The following TET2 variants were observed in gnomAD, a reference collection of about 807,000 sequenced individuals.
TET2 encodes the protein methylcytosine dioxygenase TET2.
A neutral mutation model predicts 142.9 loss-of-function variants in TET2; 299 were observed. That is an observed-to-expected ratio of 2.09 (90% CI 1.90 to 2.30). The LOEUF (loss-of-function observed/expected upper bound fraction) is 2.30, where lower values mean the gene tolerates loss of function less well. Ranked by LOEUF, TET2 falls within the 30% of genes most tolerant of loss-of-function variation. The pLI is 0.00. For synonymous variants in TET2, 819 were observed against 849.0 expected (o/e 0.96, Z 0.61); for missense variants, 2,418 against 2,378.0 (o/e 1.02, Z -0.35).
chr4:105,154,139 G>A (rs1372528423), intron 1 of TET2, among the ~76,000 whole-genome samples: 3 of 152,166 alleles, frequency 2.0e-5, no homozygotes, highest in African/African-American at 7.2e-5. Flanking sequence ...GGGATGGGAG[G>A]GAGGTGACTC....
chr4:105,183,895 A>G (rs1323098351), intron 1 of TET2, among the ~76,000 whole-genome samples: 2 of 152,164 alleles, frequency 1.3e-5, no homozygotes, highest in Non-Finnish European at 2.9e-5. Flanking sequence ...TTCTTCTCCT[A>G]TACTACTTGA....
chr4:105,244,125 TC>T (rs1481109100), intron 6 of TET2, among the ~76,000 whole-genome samples: 1 of 152,192 alleles, frequency 6.6e-6, no homozygotes, highest in Non-Finnish European at 1.5e-5. Flanking sequence ...TGACTCCACT[TC>T]CATGTTGCAG....
chr4:105,215,073 C>T (rs1040724619), intron 2 of TET2, among the ~76,000 whole-genome samples: 5 of 151,998 alleles, frequency 3.3e-5, no homozygotes, highest in Non-Finnish European at 5.9e-5. Context: ...GGACACCCAG[C>T]TAGTGTCTGC....
intron 1 of TET2, among the ~76,000 whole-genome samples, chr4:105,163,734 G>A (rs376616078): frequency 6.0e-5 from 9 of 151,242 alleles, no homozygotes; most frequent in South Asian, 4.2e-4. Context: ...CTCTTTGTTC[G>A]TAATCAATGT....
chr4:105,237,832 A>G (rs542659091), intron 3 of TET2: 3 of 1,097,624 alleles, frequency 2.7e-6, no homozygotes, highest in South Asian at 3.4e-5. Context: ...TTCAGTCTTC[A>G]TGAGTTGGGG....
At chr4:105,230,040 T>G (rs1279848578) in intron 2 of TET2, among the ~76,000 whole-genome samples, 2 of 151,284 alleles carry the variant, frequency 1.3e-5, no homozygotes, top group African/African-American at 2.4e-5. Flanking sequence ...ATTTGTCAGA[T>G]ATATATATAT....
In TET2 at chr4:105,234,515, T is replaced by G; in HGVS notation, c.573T>G (p.Asn191Lys). 6.2e-7 allele frequency: 1 copy of G among 1,614,118 alleles called. No homozygotes were observed. The highest frequency in any genetic ancestry group is 8.5e-7 in the Non-Finnish European group (1 of 1,180,004). ...ATGAGCAGGAGGGGAAAAGTGCTAA[T>G]TACCATGACAAGAACATTGTATTAC... ...ILNEQEGKSA[N>K]YHDKNIVLLK... is the part of the protein sequence containing the mutation. The change falls in exon 3 of 11, where the codon AAT becomes AAG. Residue 191 changes from asparagine (N) to lysine (K), a missense_variant. Transcript: ENST00000380013.
At chr4:105,185,642 G>C (rs533238153) in intron 1 of TET2, among the ~76,000 whole-genome samples, 1 of 152,202 alleles carries the variant, frequency 6.6e-6, no homozygotes, top group South Asian at 2.1e-4. Context: ...AGCCAGGCGT[G>C]GGGGCATGCG....
At chr4:105,241,676 G>A (rs1283666958) in intron 4 of TET2, 3 of 1,277,308 alleles carry the variant, frequency 2.3e-6, no homozygotes, top group Non-Finnish European at 3.0e-6. Flanking sequence ...GAAAACCCAG[G>A]CATGAACAGG....
At chr4:105,266,674 A>T (rs754017089) in intron 8 of TET2, among the ~76,000 whole-genome samples, 3 of 152,112 alleles carry the variant, frequency 2.0e-5, no homozygotes, top group Non-Finnish European at 4.4e-5. Context: ...TTAACAGATT[A>T]AGGAACTTGA....
intron 1 of TET2, among the ~76,000 whole-genome samples, chr4:105,162,619 C>T (rs2285720): frequency 0.31 from 47,903 of 152,150 alleles, 9,115 homozygotes; most frequent in East Asian, 0.62. Context: ...CATAACCAAG[C>T]TGACTCAAAC....
intron 1 of TET2, among the ~76,000 whole-genome samples, chr4:105,159,251 C>CTTTTTTTTTTTTTT (rs779676545): frequency 7.4e-6 from 1 of 134,586 alleles, no homozygotes; most frequent in Admixed American, 7.5e-5. Flanking sequence ...TTCTTTCTTT[C>CTTTTTTTTTTTTTT]TTTTTTTTTT....
intron 2 of TET2, among the ~76,000 whole-genome samples, chr4:105,222,350 A>G (rs1332120273): frequency 4.6e-5 from 7 of 152,096 alleles, no homozygotes; most frequent in Admixed American, 1.3e-4. Context: ...AAGTGTTCCT[A>G]TTTCTCCACA....
rs182764955 is a variant in TET2, at chr4:105,194,326, C to A, written c.-47+3821C>A. ...GATTTAATTAATCACTTTCTCCCAC[C>A]TTTAGTCATTGTTGAAGTTTCCTGA... On this transcript the variant is annotated intron_variant, in intron 2 of 10. Coordinates refer to ENST00000380013, the MANE Select transcript of TET2 (RefSeq NM_001127208.3). Among the ~76,000 whole-genome samples the A allele has an allele frequency of 2.0e-3, 305 of 152,198 alleles. 1 individual carries two copies. The highest frequency in any genetic ancestry group is 7.1e-3 in the African/African-American group (296 of 41,548).
At chr4:105,274,714 A>G (rs1245491008) in intron 10 of TET2, among the ~76,000 whole-genome samples, 1 of 152,186 alleles carries the variant, frequency 6.6e-6, no homozygotes, top group Non-Finnish European at 1.5e-5. Context: ...AGGGATGACT[A>G]CACCAAGGAA....
intron 1 of TET2, among the ~76,000 whole-genome samples, chr4:105,184,079 A>G (rs1725280629): frequency 1.3e-5 from 2 of 152,186 alleles, no homozygotes; most frequent in Admixed American, 6.5e-5. Flanking sequence ...AGTGAGGTCA[A>G]GTATTAGCCA....
intron 1 of TET2, among the ~76,000 whole-genome samples, chr4:105,150,585 A>G (rs535508304): frequency 2.6e-5 from 4 of 152,228 alleles, no homozygotes; most frequent in African/African-American, 4.8e-5. Flanking sequence ...CAGCAATAGA[A>G]TATCTCCCAA....
Position 105,235,661 on chromosome 4 carries a change from C to T in TET2, c.1719C>T (p.His573=). ...TTGAATTGAAGGCCCCTCGTTTTCA[C>T]CAAGCGGAATCCCATCTAAAACGTA... The part of the protein sequence containing the change: ...GWIELKAPRF[H]QAESHLKRNE... Residue 573 remains histidine, a synonymous_variant, in exon 3 of 11, where the codon CAC becomes CAT. Transcript: ENST00000380013. 3 of 1,614,132 alleles carry T rather than the reference C, an allele frequency of 1.9e-6. No individual in the cohort carries two copies. Among genetic ancestry groups the T allele is most frequent in the African/African-American group, 1.3e-5 (1 of 75,040 alleles).
intron 6 of TET2, among the ~76,000 whole-genome samples, chr4:105,247,768 C>T (rs1278476127): frequency 8.3e-6 from 1 of 120,734 alleles, no homozygotes; most frequent in Non-Finnish European, 1.6e-5. Flanking sequence ...GTCGCTTAGG[C>T]TGGAGTGCAG....
Sources: allele counts gnomAD v4.1 joint callset (sites outside exome capture counted in the v4.1 genomes callset), GRCh38; gene constraint gnomAD v4.1.1; transcripts MANE v1.5; gene names NCBI Gene and HGNC (gene_info 2026-07-23, HGNC 2026-07-21).